OSBPL6: variants seen among roughly 807,000 people sequenced by gnomAD.
OSBPL6 encodes oxysterol binding protein like 6.
OSBPL6 carries 49 observed loss-of-function variants against 125.8 expected under a neutral mutation model. The observed-to-expected ratio is 0.39, with a 90% CI of 0.31 to 0.49. OSBPL6 has a LOEUF of 0.49. Ranked by LOEUF, OSBPL6 falls within the 20% of genes least tolerant of loss-of-function variation. OSBPL6 has a pLI of 0.88. For synonymous variants in OSBPL6, 394 were observed against 391.8 expected (o/e 1.01, Z -0.07); for missense variants, 986 against 1,135.4 (o/e 0.87, Z 1.89).
At chr2:178,295,287 T>G (rs559836565) in intron 2 of OSBPL6, among the ~76,000 whole-genome samples, 73 of 152,292 alleles carry the variant, frequency 4.8e-4, no homozygotes, top group Admixed American at 1.4e-3. Flanking sequence ...TTGAAAGTAC[T>G]TGCCAACACC....
At chr2:178,353,679 A>G (rs1200735524) in intron 12 of OSBPL6, among the ~76,000 whole-genome samples, 2 of 152,240 alleles carry the variant, frequency 1.3e-5, no homozygotes, top group Non-Finnish European at 1.5e-5. Flanking sequence ...TCTTCAGGAT[A>G]TTATCCAGAA....
At chr2:178,373,711 C>A (rs1372699933) in intron 14 of OSBPL6, among the ~76,000 whole-genome samples, 179 bp from the exon 15 acceptor site, 1 of 152,164 alleles carries the variant, frequency 6.6e-6, no homozygotes, top group East Asian at 1.9e-4. Flanking sequence ...CTTTTGGGGT[C>A]TTTAGACACA....
chr2:178,339,981 C>T lies in OSBPL6; in HGVS notation c.987+217C>T, dbSNP rs561186385. Among the ~76,000 whole-genome samples the T allele has an allele frequency of 1.1e-4, 17 of 152,040 alleles. No individual in the cohort carries two copies. The South Asian group carries it at 2.7e-3, about 24-fold the overall frequency. On this transcript the variant is annotated intron_variant, in intron 11 of 24. Coordinates refer to ENST00000190611, the MANE Select transcript of OSBPL6 (RefSeq NM_032523.4). ...ATTTAAAAGAAAGGTTAAAATTATGCGATATGTGTTCAAAATGGCATTTTT... is the reference window on the plus strand; with the variant it reads ...ATTTAAAAGAAAGGTTAAAATTATGTGATATGTGTTCAAAATGGCATTTTT...
At chr2:178,244,946 A>T (rs1161321382) in intron 1 of OSBPL6, among the ~76,000 whole-genome samples, 1 of 152,228 alleles carries the variant, frequency 6.6e-6, no homozygotes, top group Non-Finnish European at 1.5e-5. Flanking sequence ...CGTAATAAAA[A>T]GATTTTGATT....
At position 178,383,091 on chromosome 2, in the gene OSBPL6, T is replaced by C; in HGVS notation, c.1689T>C (p.Cys563=). Residue 563 remains cysteine (C), a synonymous_variant, in exon 17 of 25, where the codon TGT becomes TGC. Coordinates refer to ENST00000190611, the MANE Select transcript of OSBPL6 (RefSeq NM_032523.4). ...NGRRACLPAP[C]PDTSNINLWN... ...GTCGAGCATGCCTGCCAGCTCCTTGTCCTGACACCAGTAACATTAACCTGT... is the reference window on the plus strand; with the variant it reads ...GTCGAGCATGCCTGCCAGCTCCTTGCCCTGACACCAGTAACATTAACCTGT... 6.2e-7 allele frequency: 1 copy of C among 1,614,180 alleles called. No homozygotes were observed. The highest frequency in any genetic ancestry group is 1.1e-5 in the South Asian group (1 of 91,084).
intron 1 of OSBPL6, among the ~76,000 whole-genome samples, chr2:178,249,152 CTGGTCT>C (rs1393849641): frequency 1.3e-5 from 2 of 152,182 alleles, no homozygotes; most frequent in Non-Finnish European, 2.9e-5. Context: ...GTTGGCCAGG[CTGGTCT>C]TGAACTCCTG....
chr2:178,353,878 G>A (rs1044859315), intron 12 of OSBPL6, among the ~76,000 whole-genome samples: 9 of 152,206 alleles, frequency 5.9e-5, no homozygotes, highest in Admixed American at 1.3e-4. Flanking sequence ...AAGCCCATCA[G>A]GCTAACAGTG....
At chr2:178,365,535 G>T (rs1692748504) in intron 13 of OSBPL6, among the ~76,000 whole-genome samples, 1 of 152,054 alleles carries the variant, frequency 6.6e-6, no homozygotes, top group Non-Finnish European at 1.5e-5. Context: ...AATTAGCTGG[G>T]CGTGGTGGCA....
At chr2:178,382,584 C>A (rs762576170) in intron 16 of OSBPL6, 77 bp downstream of exon 16, 11 of 1,586,128 alleles carry the variant, frequency 6.9e-6, no homozygotes, top group Non-Finnish European at 9.4e-6. Flanking sequence ...AACAGGCATT[C>A]CCCCTCCCAC....
intron 2 of OSBPL6, among the ~76,000 whole-genome samples, chr2:178,292,653 A>G (rs1339148338): frequency 6.6e-6 from 1 of 152,142 alleles, no homozygotes; most frequent in East Asian, 1.9e-4. Flanking sequence ...CCATTCATTC[A>G]TCCAGCAAAG....
intron 15 of OSBPL6, among the ~76,000 whole-genome samples, chr2:178,380,326 G>A (rs769571727): frequency 7.3e-5 from 11 of 151,182 alleles, no homozygotes; most frequent in African/African-American, 1.7e-4. Flanking sequence ...GAGTGTGTGC[G>A]TGTAGTCCCA....
At chr2:178,307,623 T>C (rs1686891720) in intron 3 of OSBPL6, among the ~76,000 whole-genome samples, 1 of 152,118 alleles carries the variant, frequency 6.6e-6, no homozygotes, top group South Asian at 2.1e-4. Flanking sequence ...ATTAAATAAC[T>C]ACTATATTCT....
rs1330179937 is a variant in OSBPL6, at chr2:178,306,147, T to G, written c.-38T>G. On this transcript the variant is annotated 5_prime_UTR_variant, in exon 3 of 25. It removes an upstream start codon present in the reference 5' UTR. Transcript: ENST00000190611. Reference sequence around the variant, plus strand: ...TTGTGGATTTGAGAGAAGATTGGGATGGTCTTAAGTGCATAAAACGAGACT... The same window carrying G: ...TTGTGGATTTGAGAGAAGATTGGGAGGGTCTTAAGTGCATAAAACGAGACT... 1 of 1,206,430 alleles carries G rather than the reference T, an allele frequency of 8.3e-7. No homozygotes were observed. The highest frequency in any genetic ancestry group is 2.3e-5 in the East Asian group (1 of 42,770). 74.7% of individuals were successfully genotyped at this position (1,206,430 alleles called of 1,614,324 possible). A position where few individuals can be genotyped will look rare whatever the true frequency, so the allele number is the denominator to read the frequency against.
At chr2:178,291,538 T>A (rs545420149) in intron 2 of OSBPL6, among the ~76,000 whole-genome samples, 2 of 152,174 alleles carry the variant, frequency 1.3e-5, no homozygotes, top group Non-Finnish European at 2.9e-5. Flanking sequence ...TTACGGTACT[T>A]GTTTTGGAAT....
intron 1 of OSBPL6, among the ~76,000 whole-genome samples, chr2:178,257,038 G>A (rs980425156): frequency 1.3e-5 from 2 of 152,080 alleles, no homozygotes; most frequent in African/African-American, 2.4e-5. Context: ...TTCTTGAATC[G>A]AATATATGTG....
At chr2:178,270,186 T>C (rs1256400241) in intron 1 of OSBPL6, among the ~76,000 whole-genome samples, 1 of 152,182 alleles carries the variant, frequency 6.6e-6, no homozygotes, top group African/African-American at 2.4e-5. Context: ...AGGCAGTTAA[T>C]GCTTTCCAAG....
chr2:178,360,306 T>C (rs921757204), intron 12 of OSBPL6, among the ~76,000 whole-genome samples: 2 of 152,172 alleles, frequency 1.3e-5, no homozygotes, highest in African/African-American at 2.4e-5. Flanking sequence ...TTATAGTTAA[T>C]AATAGTGTGT....
At chr2:178,275,312 G>C (rs982419533) in intron 1 of OSBPL6, among the ~76,000 whole-genome samples, 2 of 152,074 alleles carry the variant, frequency 1.3e-5, no homozygotes, top group African/African-American at 2.4e-5. Flanking sequence ...AGGAGTTTGA[G>C]GTTAGCCTGG....
chr2:178,302,263 T>G (rs979995008), intron 2 of OSBPL6, among the ~76,000 whole-genome samples: 4 of 152,224 alleles, frequency 2.6e-5, no homozygotes, highest in Non-Finnish European at 5.9e-5. Flanking sequence ...AGCTCTCTCA[T>G]ATTGCTGTTA....
Sources: allele counts gnomAD v4.1 joint callset (sites outside exome capture counted in the v4.1 genomes callset), GRCh38; gene constraint gnomAD v4.1.1; transcripts MANE v1.5; gene names NCBI Gene and HGNC (gene_info 2026-07-23, HGNC 2026-07-21).